The following KDM5C variants were observed in gnomAD, a reference collection of about 807,000 sequenced individuals.
KDM5C encodes the protein lysine demethylase 5C.
A neutral mutation model predicts 110.6 loss-of-function variants in KDM5C; 16 were observed. The observed-to-expected ratio is 0.14, with a 90% CI of 0.10 to 0.22. The LOEUF is 0.22. Ranked by LOEUF, KDM5C falls within the 10% of genes least tolerant of loss-of-function variation. The pLI is 1.00. For missense variants in KDM5C, 681 were observed against 1,300.9 expected (o/e 0.52, Z 7.33); for synonymous variants, 511 against 520.4 (o/e 0.98, Z 0.24).
intron 10 of KDM5C, among the ~76,000 whole-genome samples, chrX:53,211,206 T>C (rs1460155553): frequency 8.9e-6 from 1 of 111,844 alleles, no homozygotes; most frequent in African/African-American, 3.3e-5. Flanking sequence ...ACACTACTTA[T>C]GGATGAGCCA....
At chrX:53,217,392 C>T in intron 4 of KDM5C, 115 bp from the exon 5 acceptor site, 1 of 865,863 alleles carries the variant, frequency 1.2e-6, no homozygotes, top group Non-Finnish European at 1.7e-6. Context: ...ACCTGACCCA[C>T]ACCAACAGCC....
intron 1 of KDM5C, among the ~76,000 whole-genome samples, chrX:53,221,331 A>C (rs1429830326): frequency 9.0e-6 from 1 of 111,281 alleles, no homozygotes; most frequent in Non-Finnish European, 1.9e-5. Flanking sequence ...CTAGAGTCAG[A>C]AGATATGGGT....
intron 25 of KDM5C, among the ~76,000 whole-genome samples, chrX:53,184,557 G>A (rs1427699817): frequency 1.8e-5 from 2 of 111,729 alleles, no homozygotes; most frequent in Non-Finnish European, 3.8e-5. Flanking sequence ...TGCCTTTTCT[G>A]CATCAAGTGA....
At chrX:53,221,761 C>G in intron 1 of KDM5C, 1 of 979,500 alleles carries the variant, frequency 1.0e-6, no homozygotes, top group Non-Finnish European at 1.3e-6. Flanking sequence ...GGAGGAAGCC[C>G]CAGGGGGTGG....
chrX:53,187,852 C>T (rs868918662), downstream of KDM5C, among the ~76,000 whole-genome samples: 3 of 109,812 alleles, frequency 2.7e-5, no homozygotes, highest in African/African-American at 6.6e-5. Flanking sequence ...CTCCGTCTCC[C>T]GGGTTCAAGC....
chrX:53,192,871 C>CCCCCCCCCCCCCCCCCCCCAAACAA lies in KDM5C; in HGVS notation c.*95_*96insTTGTTTGGGGGGGGGGGGGGGGGGG. Reference sequence around the variant, plus strand: ...GTAGCAGGGATGGCCACCCCCCTACCCGCCCACCCCCCAAGAAGCAGGCTT... The same window carrying CCCCCCCCCCCCCCCCCCCCAAACAA: ...GTAGCAGGGATGGCCACCCCCCTACCCCCCCCCCCCCCCCCCCCCAAACAACGCCCACCCCCCAAGAAGCAGGCTT... On this transcript the variant is annotated 3_prime_UTR_variant, in exon 26 of 26. Coordinates refer to ENST00000375401, the MANE Select transcript of KDM5C (RefSeq NM_004187.5). 1.5e-6 allele frequency: 1 copy of CCCCCCCCCCCCCCCCCCCCAAACAA among 666,330 alleles called. No homozygotes were observed. Among genetic ancestry groups the CCCCCCCCCCCCCCCCCCCCAAACAA allele is most frequent in the Non-Finnish European group, 2.1e-6 (1 of 486,580 alleles). The allele number at this position is 666,330 out of a possible 1,213,427, so 54.9% of individuals were successfully genotyped here.
chrX:53,216,150 C>T lies in KDM5C; in HGVS notation c.705G>A (p.Lys235=). The T allele has an allele frequency of 8.2e-7, 1 of 1,212,205 alleles. No individual in the cohort carries two copies. Residue 235 remains lysine (K), a synonymous_variant, in exon 6 of 26, where the codon AAG becomes AAA. Transcript: ENST00000375401. Reference sequence around the variant, plus strand: ...TGGGGCCTGCCCCATAGATCTGTAGCTTTTTCAGCTCTGGATTCTTCTCAA... The same window carrying T: ...TGGGGCCTGCCCCATAGATCTGTAGTTTTTTCAGCTCTGGATTCTTCTCAA... The part of the protein sequence containing the change: ...EDIEKNPELK[K]LQIYGAGPKM...
chrX:53,185,874 G>T (rs889521526), intron 25 of KDM5C, among the ~76,000 whole-genome samples: 4 of 111,613 alleles, frequency 3.6e-5, no homozygotes, highest in Non-Finnish European at 7.5e-5. Context: ...CCAGTTCATA[G>T]ACCAGAGCCC....
intron 8 of KDM5C, among the ~76,000 whole-genome samples, chrX:53,213,627 G>C (rs1183396230): frequency 9.0e-6 from 1 of 111,366 alleles, no homozygotes; most frequent in Non-Finnish European, 1.9e-5. Context: ...GTTCCTGCTA[G>C]TCCTCCACCT....
chrX:53,193,601 T>A lies in KDM5C; in HGVS notation c.4153A>T (p.Thr1385Ser). The A allele has an allele frequency of 8.3e-7, 1 of 1,211,796 alleles. No individual in the cohort carries two copies. Among genetic ancestry groups the A allele is most frequent in the Non-Finnish European group, 1.1e-6 (1 of 895,486 alleles). Reference protein sequence around the residue: ...ELLSSLLPQLTGPVLELPEAT... With the variant: ...ELLSSLLPQLSGPVLELPEAT... The stretch of plus-strand genomic sequence containing the variant: ...TCAGGCAGTTCCAACACAGGGCCAG[T>A]CAACTGTGGCAACAGCGAGGACAGC... The change falls in exon 25 of 26, where the codon ACT becomes TCT. Residue 1385 changes from threonine to serine, a missense_variant. Thr to Ser is a moderately conservative substitution (Grantham distance 58). Transcript: ENST00000375401.
intron 2 of KDM5C, among the ~76,000 whole-genome samples, chrX:53,219,579 C>G (rs1556853745): frequency 8.9e-6 from 1 of 112,540 alleles, no homozygotes; most frequent in East Asian, 2.8e-4. Flanking sequence ...AGTCAGAGAG[C>G]CTGGTTCTTG....
chrX:53,217,935 A>T lies in KDM5C; in HGVS notation c.383T>A (p.Ile128Asn). ...IVVEEGGYEA[I>N]CKDRRWARVA... ...CCGAGCCCACCGACGGTCCTTGCAG[A>T]TAGCTTCATAACCACCTTCCTCCAC... Residue 128 changes from isoleucine (I) to asparagine (N), a missense_variant, in exon 4 of 26, where the codon ATC becomes AAC. By Grantham distance (149) the Ile-to-Asn change is moderately radical. Coordinates refer to ENST00000375401, the MANE Select transcript of KDM5C (RefSeq NM_004187.5). The T allele has an allele frequency of 8.3e-7, 1 of 1,211,661 alleles. No individual in the cohort carries two copies. The highest frequency in any genetic ancestry group is 1.1e-6 in the Non-Finnish European group (1 of 895,389).
chrX:53,193,417 C>T lies in KDM5C; in HGVS notation c.4317+20G>A, dbSNP rs781902591. The stretch of plus-strand genomic sequence containing the variant: ...TACTCGGCCTGACCTCCTGGCCCGG[C>T]CCATGACCCCTCTCCTCACCTCCAG... On this transcript the variant is annotated intron_variant, in intron 25 of 25. Transcript: ENST00000375401. 3 of 1,211,805 alleles carry T rather than the reference C, an allele frequency of 2.5e-6. No homozygotes were observed. Among genetic ancestry groups the T allele is most frequent in the Admixed American group, 4.3e-5 (2 of 46,093 alleles).
At position 53,193,568 on chromosome X, in the gene KDM5C, G is replaced by T. The variant is rs782171515; in HGVS notation, c.4186C>A (p.Arg1396=). The part of the protein sequence containing the change: ...GPVLELPEAT[R]APLEELMMEG... ...ATCATGAGCTCCTCCAAGGGGGCCCGGGTTGCCTCAGGCAGTTCCAACACA... is the reference window on the plus strand; with the variant it reads ...ATCATGAGCTCCTCCAAGGGGGCCCTGGTTGCCTCAGGCAGTTCCAACACA... Residue 1396 remains arginine (R), a synonymous_variant, in exon 25 of 26, where the codon CGG becomes AGG. Coordinates refer to ENST00000375401, the MANE Select transcript of KDM5C (RefSeq NM_004187.5). 9.1e-6 allele frequency: 11 copies of T among 1,210,132 alleles called. No individual in the cohort carries two copies. In the South Asian group the frequency reaches 1.9e-4, roughly 21 times the overall value.
At position 53,214,800 on chromosome X, in the gene KDM5C, G is replaced by T; in HGVS notation, c.1011C>A (p.Asp337Glu). The T allele has an allele frequency of 8.3e-7, 1 of 1,211,932 alleles. No individual in the cohort carries two copies. The highest frequency in any genetic ancestry group is 1.1e-6 in the Non-Finnish European group (1 of 895,480). Residue 337 changes from aspartate (D) to glutamate (E), a missense_variant, in exon 8 of 26, where the codon GAC (aspartate) becomes GAA (glutamate). This residue lies in a region of KDM5C where 71 missense variants were observed against 115.0 expected (regional missense o/e 0.62). Transcript: ENST00000375401. Reference sequence around the variant, plus strand: ...CACAGCCATCACACAGCAGGAGCTTGTCATCCTCATCCCCTCGAGAACACA... The same window carrying T: ...CACAGCCATCACACAGCAGGAGCTTTTCATCCTCATCCCCTCGAGAACACA... ...CRMCSRGDED[D>E]KLLLCDGCDD...
intron 12 of KDM5C, among the ~76,000 whole-genome samples, chrX:53,204,013 G>C (rs2073236321): frequency 9.0e-6 from 1 of 111,291 alleles, no homozygotes; most frequent in African/African-American, 3.3e-5. Context: ...CCTTGGCTGG[G>C]ATTACAGGCG....
intron 25 of KDM5C, among the ~76,000 whole-genome samples, chrX:53,186,307 AT>A (rs1934215113): frequency 8.9e-6 from 1 of 111,908 alleles, no homozygotes; most frequent in Non-Finnish European, 1.9e-5. Context: ...AGGTGGCAAT[AT>A]CGTGACAACA....
chrX:53,195,467 C>G, intron 20 of KDM5C, 57 bp from the exon 21 acceptor site: 1 of 1,058,529 alleles, frequency 9.4e-7, no homozygotes. Context: ...TTGATGCTTA[C>G]TCTGTGCCTG....
downstream of KDM5C, among the ~76,000 whole-genome samples, chrX:53,186,829 T>A (rs34777215): frequency 0.089 from 10,007 of 111,927 alleles, 417 homozygotes; most frequent in Middle Eastern, 0.29. Flanking sequence ...TTTCCACTGT[T>A]TCATGAGTAG....
Sources: gnomAD v4.1 joint callset for allele counts (sites outside exome capture counted in the v4.1 genomes callset) on GRCh38, gnomAD v4.1.1 for gene constraint, gnomAD v4.1.1 regional missense constraint, MANE v1.5 for transcripts, NCBI Gene and HGNC (gene_info 2026-07-23, HGNC 2026-07-21) for gene names.